Variants in COL5A1 observed in about 807,000 individuals in gnomAD.
COL5A1 encodes collagen type V alpha 1 chain.
COL5A1 carries 16 observed loss-of-function variants against 263.7 expected under a neutral mutation model. That is an observed-to-expected ratio of 0.06 (90% CI 0.04 to 0.09). The LOEUF (loss-of-function observed/expected upper bound fraction) is 0.09, where lower values mean the gene tolerates loss of function less well. COL5A1 is among the 10% of genes least tolerant of loss of function. The pLI, the probability that COL5A1 is intolerant of heterozygous loss-of-function variation, is 1.00. For missense variants in COL5A1, 2,036 were observed against 2,540.5 expected, an observed-to-expected ratio of 0.80 and a Z score of 4.27; for synonymous variants, 1,012 against 1,004.5, an observed-to-expected ratio of 1.01 and a Z score of -0.14.
At chr9:134,710,043 C>T (rs1211118632) in intron 4 of COL5A1, among the ~76,000 whole-genome samples, 1 of 152,184 alleles carries the variant, frequency 6.6e-6, no homozygotes, top group East Asian at 1.9e-4. Context: ...TCTTTAGCAC[C>T]GTGGCCAAGG....
At chr9:134,654,532 T>TA (rs1831852964) in intron 1 of COL5A1, among the ~76,000 whole-genome samples, 3 of 25,512 alleles carry the variant, frequency 1.2e-4, no homozygotes, top group African/African-American at 3.3e-4. Flanking sequence ...CAGGGCTGGG[T>TA]GTGTGTAGGG....
chr9:134,823,561 T>C (rs1839116112), intron 61 of COL5A1, 92 bp downstream of exon 61: 4 of 1,339,534 alleles, frequency 3.0e-6, no homozygotes, highest in Non-Finnish European at 3.2e-6. Context: ...TGACCCCTCC[T>C]GAGACTCATG....
intron 1 of COL5A1, among the ~76,000 whole-genome samples, chr9:134,662,691 C>T (rs1276586664): frequency 6.6e-6 from 1 of 152,232 alleles, no homozygotes; most frequent in Admixed American, 6.5e-5. Flanking sequence ...CCTCTGATCT[C>T]TCTCCCGGCC....
At chr9:134,760,007 TA>T (rs1836251353) in intron 18 of COL5A1, among the ~76,000 whole-genome samples, 1 of 59,716 alleles carries the variant, frequency 1.7e-5, no homozygotes, top group African/African-American at 1.0e-4. Flanking sequence ...CCCACACTCA[TA>T]CACACATGCA....
chr9:134,774,739 A>T, intron 26 of COL5A1, 120 bp from the exon 27 acceptor site: 2 of 1,031,648 alleles, frequency 1.9e-6, no homozygotes, highest in Non-Finnish European at 3.0e-6. Context: ...GGAGGCTCTG[A>T]GCTGGGATGT....
chr9:134,817,782 C>T lies in COL5A1; in HGVS notation c.4181C>T (p.Pro1394Leu), dbSNP rs1564480044. The change falls in exon 54 of 66, where the codon CCC becomes CTC. Residue 1394 changes from proline (P) to leucine (L), a missense_variant. By Grantham distance (98) the Pro-to-Leu change is moderately conservative (BLOSUM62 -3). Coordinates refer to ENST00000371817, the MANE Select transcript of COL5A1 (RefSeq NM_000093.5). Reference protein sequence around the residue: ...GPSGPPGKRGPPGPAGPEGRQ... With the variant: ...GPSGPPGKRGLPGPAGPEGRQ... ...CTGTTCTCTTGCTTCTTTCAGGGTC[C>T]CCCAGGCCCCGCAGGCCCCGAAGGC... 1 of 1,612,332 alleles carries T rather than the reference C, an allele frequency of 6.2e-7. No homozygotes were observed.
intron 18 of COL5A1, among the ~76,000 whole-genome samples, chr9:134,759,056 G>C (rs1213128134): frequency 6.6e-6 from 1 of 152,112 alleles, no homozygotes; most frequent in Admixed American, 6.5e-5. Context: ...TGCTTTCTCA[G>C]CCCATTTGGG....
chr9:134,802,950 C>G lies in COL5A1; in HGVS notation c.3069C>G (p.Pro1023=). The change falls in exon 39 of 66, where the codon CCC becomes CCG. Residue 1023 remains proline (P), a synonymous_variant. Transcript: ENST00000371817. ...ERGHPGPPGP[P]GEQGLPGLAG... is the part of the protein sequence containing the mutation. ...GCCACCCTGGGCCCCCTGGACCCCCCGGTGAACAGGGGCTTCCGGGCCTTG... is the reference window on the plus strand; with the variant it reads ...GCCACCCTGGGCCCCCTGGACCCCCGGGTGAACAGGGGCTTCCGGGCCTTG... 4 of 1,610,984 alleles carry G rather than the reference C, an allele frequency of 2.5e-6. No homozygotes were observed. In the South Asian group the frequency reaches 4.4e-5, roughly 18 times the overall value.
rs1056254924 is a variant in COL5A1 at position 134,754,167 on chromosome 9, G to C, written c.1774-106G>C. 6 of 1,229,276 alleles carry C rather than the reference G, an allele frequency of 4.9e-6. No homozygotes were observed. In the Admixed American group the frequency reaches 1.1e-4, roughly 22 times the overall value. The allele number at this position is 1,229,276 out of a possible 1,614,324, so 76.1% of individuals were successfully genotyped here. A position where few individuals can be genotyped will look rare whatever the true frequency, so the allele number is the denominator to read the frequency against. Reference sequence around the variant, plus strand: ...CGAAGTGCCCACATGTTTGTGGCTTGGACAGCCAGGCATGGGCAGGGTCGA... The same window carrying C: ...CGAAGTGCCCACATGTTTGTGGCTTCGACAGCCAGGCATGGGCAGGGTCGA... On this transcript the variant is annotated intron_variant, in intron 15 of 65. Coordinates refer to ENST00000371817, the MANE Select transcript of COL5A1 (RefSeq NM_000093.5). The surrounding 1 kb of genome is among the most constrained non-coding windows in gnomAD (Gnocchi z 4.3).
At chr9:134,725,350 G>T (rs181290668) in intron 4 of COL5A1, among the ~76,000 whole-genome samples, 1 of 152,198 alleles carries the variant, frequency 6.6e-6, no homozygotes, top group African/African-American at 2.4e-5. Flanking sequence ...GAGAGACCAG[G>T]TGCAGGCTCT....
At chr9:134,656,436 G>C (rs953617025) in intron 1 of COL5A1, among the ~76,000 whole-genome samples, 4 of 152,174 alleles carry the variant, frequency 2.6e-5, no homozygotes, top group Non-Finnish European at 4.4e-5. Flanking sequence ...TTGAACTCCT[G>C]GCTGTGGGAT....
chr9:134,765,135 G>A lies in COL5A1; in HGVS notation c.2035-546G>A, dbSNP rs1341048460. Among the ~76,000 whole-genome samples, 4 of 152,240 alleles carry A rather than the reference G, an allele frequency of 2.6e-5. No individual in the cohort carries two copies. The highest frequency in any genetic ancestry group is 9.6e-5 in the African/African-American group (4 of 41,548). ...AGCTCTTGCCCAGAGTAGCGTCCTG[G>A]AAAAGATCTGTACCCCACGCCTCCT... On this transcript the variant is annotated intron_variant, in intron 20 of 65. Coordinates refer to ENST00000371817, the MANE Select transcript of COL5A1 (RefSeq NM_000093.5). This position sits in a 1 kb window ranked among gnomAD's most constrained non-coding sequence, Gnocchi z 5.1.
intron 64 of COL5A1, among the ~76,000 whole-genome samples, chr9:134,833,376 G>A (rs1242866358): frequency 6.6e-6 from 1 of 152,234 alleles, no homozygotes; most frequent in Non-Finnish European, 1.5e-5. Flanking sequence ...TGCTGGAGAG[G>A]CCACCTAAGA....
At chr9:134,751,612 T>C (rs1039443068) in intron 13 of COL5A1, among the ~76,000 whole-genome samples, 5 of 121,232 alleles carry the variant, frequency 4.1e-5, no homozygotes, top group African/African-American at 1.6e-4. Context: ...TCTGTAGACT[T>C]GGCTCCGGAT....
intron 53 of COL5A1, 115 bp downstream of exon 53, chr9:134,817,194 G>T: frequency 1.1e-6 from 1 of 921,560 alleles, no homozygotes; most frequent in Non-Finnish European, 1.8e-6. Flanking sequence ...GATGAGGAAG[G>T]GCTCGGGTGT....
intron 24 of COL5A1, 66 bp downstream of exon 24, chr9:134,767,420 T>A: frequency 6.9e-7 from 1 of 1,446,918 alleles, no homozygotes; most frequent in Non-Finnish European, 9.7e-7. Context: ...GGCCCCACCC[T>A]GGGAGGACCC....
chr9:134,735,437 C>T (rs1292823661), intron 9 of COL5A1, among the ~76,000 whole-genome samples: 1 of 148,272 alleles, frequency 6.7e-6, no homozygotes, highest in Admixed American at 6.7e-5. Flanking sequence ...GTTCCTCTTT[C>T]GCTGGGTCAA....
rs185128477 is a variant in COL5A1, at chr9:134,718,064, A to G, written c.655-9202A>G. Among the ~76,000 whole-genome samples, 471 of 152,316 alleles carry G rather than the reference A, an allele frequency of 3.1e-3. 4 individuals are homozygous for G. The highest frequency in any genetic ancestry group is 7.7e-3 in the African/African-American group (321 of 41,570). On this transcript the variant is annotated intron_variant, in intron 4 of 65. Coordinates refer to ENST00000371817, the MANE Select transcript of COL5A1 (RefSeq NM_000093.5). ...GGTGAGGTCCATGTTTCCCGTCTCC[A>G]TGGCTCCAGGCTTATGGGGCTCTCC...
intron 63 of COL5A1, among the ~76,000 whole-genome samples, chr9:134,828,379 C>T (rs938482429): frequency 6.6e-6 from 1 of 152,090 alleles, no homozygotes; most frequent in Admixed American, 6.5e-5. Flanking sequence ...ATGATCCAGG[C>T]AGGCAGCCGA....
Sources: allele counts gnomAD v4.1 joint callset (sites outside exome capture counted in the v4.1 genomes callset), GRCh38; gene constraint gnomAD v4.1.1; non-coding constraint Gnocchi (gnomAD v3.1); transcripts MANE v1.5; gene names NCBI Gene and HGNC (gene_info 2026-07-23, HGNC 2026-07-21).